The following ATXN2 variants were observed in gnomAD, a reference collection of about 807,000 sequenced individuals.
ATXN2 encodes the protein ataxin-2.
A neutral mutation model predicts 138.6 loss-of-function variants in ATXN2; 37 were observed. The ratio of observed to expected loss-of-function variants is 0.27; its 90% CI spans 0.21 to 0.35. ATXN2 has a LOEUF of 0.35. Ranked by LOEUF, ATXN2 falls within the 10% of genes least tolerant of loss-of-function variation. ATXN2 has a pLI of 1.00. For missense variants in ATXN2, 1,216 were observed against 1,480.3 expected (o/e 0.82, Z 2.93); for synonymous variants, 549 against 543.7 (o/e 1.01, Z -0.13).
At chr12:111,515,702 A>G (rs1333201969) in intron 10 of ATXN2, among the ~76,000 whole-genome samples, 1 of 152,342 alleles carries the variant, frequency 6.6e-6, no homozygotes, top group Non-Finnish European at 1.5e-5. Flanking sequence ...AGTCAGCTAC[A>G]TGGGCTGTCG....
At chr12:111,468,149 G>A (rs1301197907) in intron 20 of ATXN2, among the ~76,000 whole-genome samples, 1 of 152,172 alleles carries the variant, frequency 6.6e-6, no homozygotes, top group Non-Finnish European at 1.5e-5. Context: ...TTAGCAAACA[G>A]GAAAATTGTT....
At chr12:111,572,011 CAA>C (rs10632970) in intron 1 of ATXN2, among the ~76,000 whole-genome samples, 19 of 89,628 alleles carry the variant, frequency 2.1e-4, no homozygotes, top group Non-Finnish European at 1.6e-4. Context: ...GACTCTGTCT[CAA>C]AAAAAAAAAA....
chr12:111,461,765 CA>C, intron 21 of ATXN2, among the ~76,000 whole-genome samples: 1 of 151,164 alleles, frequency 6.6e-6, no homozygotes, highest in Non-Finnish European at 1.5e-5. Context: ...ACTAAAAATA[CA>C]AAAAAAATTA....
At chr12:111,556,729 T>A (rs907817772) in intron 1 of ATXN2, among the ~76,000 whole-genome samples, 57 of 151,358 alleles carry the variant, frequency 3.8e-4, no homozygotes, top group African/African-American at 1.3e-3. Context: ...GGCAGAAGAA[T>A]CGCCTGAACC....
chr12:111,479,607 C>T (rs1417687503), intron 18 of ATXN2, among the ~76,000 whole-genome samples: 1 of 152,082 alleles, frequency 6.6e-6, no homozygotes, highest in African/African-American at 2.4e-5. Context: ...CTGTTTAGGA[C>T]ACACATATGA....
chr12:111,474,859 G>A (rs181086710), intron 18 of ATXN2, among the ~76,000 whole-genome samples: 1 of 152,034 alleles, frequency 6.6e-6, no homozygotes, highest in East Asian at 1.9e-4. Flanking sequence ...CGAGGCGGGT[G>A]GATCATTTGA....
intron 20 of ATXN2, chr12:111,469,722 AG>A (rs1876271093): frequency 4.1e-6 from 1 of 242,098 alleles, no homozygotes; most frequent in Non-Finnish European, 7.8e-6. Context: ...CAAGTAGTGA[AG>A]CAAAATGTTT....
At chr12:111,506,614 C>T (rs949636043) in intron 14 of ATXN2, among the ~76,000 whole-genome samples, 1 of 151,816 alleles carries the variant, frequency 6.6e-6, no homozygotes, top group Admixed American at 6.6e-5. Flanking sequence ...AGCAAGACAT[C>T]ATTGTCCCTC....
chr12:111,485,445 C>T (rs1384229323), intron 17 of ATXN2, 114 bp from the exon 18 acceptor site: 2 of 1,086,350 alleles, frequency 1.8e-6, no homozygotes, highest in Admixed American at 2.2e-5. Context: ...TTTCCTGATT[C>T]TCCATTAGTC....
chr12:111,485,426 A>G, intron 17 of ATXN2, 95 bp from the exon 18 acceptor site: 5 of 1,241,804 alleles, frequency 4.0e-6, no homozygotes, highest in Admixed American at 4.0e-5. Flanking sequence ...AGAGCTAGGC[A>G]TGAGAAGGTT....
At chr12:111,490,808 G>GGA (rs144773163) in intron 14 of ATXN2, among the ~76,000 whole-genome samples, 6 of 152,002 alleles carry the variant, frequency 3.9e-5, no homozygotes, top group Admixed American at 2.0e-4. Flanking sequence ...TGTGCTCGGG[G>GGA]GAGAGAGAGA....
intron 1 of ATXN2, among the ~76,000 whole-genome samples, chr12:111,582,075 C>T (rs944848311): frequency 1.3e-5 from 2 of 152,040 alleles, no homozygotes; most frequent in African/African-American, 4.8e-5. Flanking sequence ...GCCTCATGGC[C>T]TTAATTTCAA....
intron 1 of ATXN2, among the ~76,000 whole-genome samples, chr12:111,561,662 C>T (rs1047710719): frequency 6.6e-6 from 1 of 152,160 alleles, no homozygotes; most frequent in South Asian, 2.1e-4. Flanking sequence ...GGTGAAACTC[C>T]ACCTCTACTA....
rs180750791 is a variant in ATXN2, at chr12:111,476,763, T to C, written c.2525-6021A>G. Among the ~76,000 whole-genome samples the C allele has an allele frequency of 8.5e-3, 1,294 of 152,320 alleles. 20 individuals carry two copies. The highest frequency in any genetic ancestry group is 0.03 in the African/African-American group (1,233 of 41,556). On this transcript the variant is annotated intron_variant, in intron 18 of 24. Transcript: ENST00000673436. ...AGACTTAAATAAATGGAGCAGTATA[T>C]GATGACCTCAATGAAGATTCCATAT...
chr12:111,571,724 A>G (rs1419203263), intron 1 of ATXN2, among the ~76,000 whole-genome samples: 3 of 152,188 alleles, frequency 2.0e-5, no homozygotes, highest in Non-Finnish European at 1.5e-5. Flanking sequence ...TTTACACTGT[A>G]AAGAGCTTTT....
At chr12:111,465,832 A>C (rs1279747968) in intron 20 of ATXN2, among the ~76,000 whole-genome samples, 3 of 149,628 alleles carry the variant, frequency 2.0e-5, no homozygotes, top group African/African-American at 7.3e-5. Flanking sequence ...GTAACTTCTT[A>C]GAAGGGATGG....
intron 1 of ATXN2, among the ~76,000 whole-genome samples, chr12:111,580,679 G>C (rs1430890883): frequency 1.7e-5 from 2 of 121,058 alleles, no homozygotes; most frequent in Non-Finnish European, 3.5e-5. Context: ...GAGGGAGGGG[G>C]GGAGAGAGAA....
intron 1 of ATXN2, among the ~76,000 whole-genome samples, chr12:111,573,046 TAAAAA>T (rs979997904): frequency 2.0e-5 from 3 of 150,236 alleles, no homozygotes; most frequent in Non-Finnish European, 4.4e-5. Context: ...TTCAAAATTT[TAAAAA>T]AAAAAAAATT....
chr12:111,505,199 ATT>A (rs1879031701), intron 14 of ATXN2, among the ~76,000 whole-genome samples: 1 of 152,070 alleles, frequency 6.6e-6, no homozygotes, highest in African/African-American at 2.4e-5. Flanking sequence ...AAAGAGCGAG[ATT>A]CTGTGTCAAA....
Sources: allele counts gnomAD v4.1 joint callset (sites outside exome capture counted in the v4.1 genomes callset), GRCh38; gene constraint gnomAD v4.1.1; transcripts MANE v1.5; gene names NCBI Gene and HGNC (gene_info 2026-07-23, HGNC 2026-07-21).